Variants in ELAC1 observed in about 807,000 individuals in gnomAD.
ELAC1 encodes the protein zinc phosphodiesterase ELAC protein 1.
A neutral mutation model predicts 25.8 loss-of-function variants in ELAC1; 19 were observed. That is an observed-to-expected ratio of 0.74 (90% CI 0.51 to 1.08). The LOEUF (loss-of-function observed/expected upper bound fraction) is 1.08, where lower values mean the gene tolerates loss of function less well. Ranked by LOEUF, ELAC1 falls within the 50% of genes least tolerant of loss-of-function variation. The probability of loss-of-function intolerance (pLI) is 0.00; values close to 1 mark genes in which losing one functional copy is unlikely to be tolerated. For synonymous variants in ELAC1, 148 were observed against 160.9 expected (o/e 0.92, Z 0.61); for missense variants, 403 against 434.6 (o/e 0.93, Z 0.65).
chr18:50,984,157 G>T lies in ELAC1; in HGVS notation c.219G>T (p.Gly73=). 1 of 1,613,778 alleles carries T rather than the reference G, an allele frequency of 6.2e-7. No individual in the cohort carries two copies. The highest frequency in any genetic ancestry group is 8.5e-7 in the Non-Finnish European group (1 of 1,179,938). ...GAGACCATTTCTTTGGCCTTCCTGG[G>T]CTCCTCTGCACAATCAGCCTGCAGA... is the stretch of plus-strand genomic sequence containing the variant. ...LHGDHFFGLP[G]LLCTISLQSG... Residue 73 remains glycine, a synonymous_variant, in exon 3 of 4, where the codon GGG becomes GGT. Coordinates refer to ENST00000269466, the MANE Select transcript of ELAC1 (RefSeq NM_018696.3).
intron 2 of ELAC1, among the ~76,000 whole-genome samples, chr18:50,977,260 C>G (rs916101631): frequency 3.9e-5 from 6 of 152,360 alleles, no homozygotes; most frequent in Admixed American, 3.3e-4. Flanking sequence ...TATTTCCCTT[C>G]CACACTGCCC....
At chr18:50,976,129 T>C (rs1422085698) in intron 2 of ELAC1, among the ~76,000 whole-genome samples, 1 of 152,206 alleles carries the variant, frequency 6.6e-6, no homozygotes. Context: ...TTAGACTTTA[T>C]TGTTCTACTG....
rs551992289 is a variant in ELAC1, at chr18:50,984,311, C to T, written c.373C>T (p.Pro125Ser). 3.7e-6 allele frequency: 6 copies of T among 1,614,132 alleles called. No homozygotes were observed. In the South Asian group the frequency reaches 4.4e-5, roughly 12 times the overall value. Residue 125 changes from proline (P) to serine (S), a missense_variant, in exon 3 of 4, where the codon CCT (proline) becomes TCT (serine). Transcript: ENST00000269466. ...VFHYVVHELV[P>S]TADQCPAEEL... ...CCATTATGTGGTTCATGAACTGGTTCCTACAGCAGATCAATGTCCTGCAGA... is the reference window on the plus strand; with the variant it reads ...CCATTATGTGGTTCATGAACTGGTTTCTACAGCAGATCAATGTCCTGCAGA...
chr18:50,987,194 TCC>T lies in ELAC1; in HGVS notation c.*110_*111del. ...TCTGAAATTATTTGGGCCCTAATAA[TCC>T]TAAAAAGAATGGAGCTGCATTGATG... is the stretch of plus-strand genomic sequence containing the variant. On this transcript the variant is annotated 3_prime_UTR_variant, in exon 4 of 4. Transcript: ENST00000269466. The T allele has an allele frequency of 1.3e-6, 1 of 796,326 alleles. No homozygotes were observed. The highest frequency in any genetic ancestry group is 1.8e-6 in the Non-Finnish European group (1 of 548,182). 49.3% of individuals were successfully genotyped at this position (796,326 alleles called of 1,614,324 possible).
chr18:50,970,694 C>CAA (rs10643378), intron 1 of ELAC1, among the ~76,000 whole-genome samples: 1,344 of 88,152 alleles, frequency 0.015, 35 homozygotes, highest in African/African-American at 0.047. Flanking sequence ...GACACATTTC[C>CAA]AAAAAAAAAA....
In ELAC1 at chr18:50,987,134, A is replaced by G. The variant is rs747835307; in HGVS notation, c.*49A>G. 4.6e-6 allele frequency: 6 copies of G among 1,317,678 alleles called. No homozygotes were observed. The highest frequency in any genetic ancestry group is 6.2e-6 in the Non-Finnish European group (6 of 973,468). 81.6% of individuals were successfully genotyped at this position (1,317,678 alleles called of 1,614,324 possible). On this transcript the variant is annotated 3_prime_UTR_variant, in exon 4 of 4. Coordinates refer to ENST00000269466, the MANE Select transcript of ELAC1 (RefSeq NM_018696.3). ...TGACATGTCTGTGAATATGTTACTG[A>G]ACCTATAGTCCAGTTTTTTTATTTC...
At chr18:50,985,462 T>A (rs1354906180) in intron 3 of ELAC1, among the ~76,000 whole-genome samples, 1 of 152,230 alleles carries the variant, frequency 6.6e-6, no homozygotes, top group East Asian at 1.9e-4. Flanking sequence ...GCTTCACACC[T>A]CCTCTATGCT....
intron 3 of ELAC1, among the ~76,000 whole-genome samples, chr18:50,985,397 G>A (rs1338426777): frequency 6.6e-6 from 1 of 152,216 alleles, no homozygotes; most frequent in Admixed American, 6.5e-5. Context: ...TTAGATATCA[G>A]GGTTCATCGT....
chr18:50,986,602 T>C lies in ELAC1; in HGVS notation c.626-17T>C, dbSNP rs1216684038. 1.9e-6 allele frequency: 3 copies of C among 1,562,326 alleles called. No individual in the cohort carries two copies. Among genetic ancestry groups the C allele is most frequent in the Admixed American group, 1.8e-5 (1 of 56,938 alleles). On this transcript the variant is annotated splice_polypyrimidine_tract_variant and intron_variant, in intron 3 of 3. Transcript: ENST00000269466. ...ATTCCATTCCTATGATGTAATGTTA[T>C]CTGCCTTCATCATTAGGTGTTCCAC...
intron 1 of ELAC1, among the ~76,000 whole-genome samples, chr18:50,971,841 C>G (rs978549028): frequency 6.9e-6 from 1 of 144,124 alleles, no homozygotes; most frequent in African/African-American, 2.6e-5. Flanking sequence ...TTCTGTGATT[C>G]ATATATATAC....
At chr18:50,978,151 C>G (rs559719233) in intron 2 of ELAC1, among the ~76,000 whole-genome samples, 1 of 152,176 alleles carries the variant, frequency 6.6e-6, no homozygotes, top group Non-Finnish European at 1.5e-5. Flanking sequence ...TCTAAACCTT[C>G]CCATATTTTC....
intron 1 of ELAC1, among the ~76,000 whole-genome samples, chr18:50,973,587 A>G (rs1391449558): frequency 6.6e-6 from 1 of 152,242 alleles, no homozygotes; most frequent in Non-Finnish European, 1.5e-5. Context: ...TTGTTCAGAG[A>G]AAGGGAAAGG....
intron 3 of ELAC1, among the ~76,000 whole-genome samples, chr18:50,986,052 G>A (rs1263407394): frequency 9.4e-6 from 1 of 106,362 alleles, no homozygotes; most frequent in East Asian, 3.0e-4. Context: ...GTCTCACTCT[G>A]TTGTCCAGGC....
Position 50,984,563 on chromosome 18 carries a change from G to T in ELAC1, c.625G>T (p.Gly209Cys). The T allele has an allele frequency of 6.2e-7, 1 of 1,604,724 alleles. No individual in the cohort carries two copies. Among genetic ancestry groups the T allele is most frequent in the Non-Finnish European group, 8.5e-7 (1 of 1,175,904 alleles). ...CAATGCACAGAAACTTAAAGACCTTGGTAAGTGTTTTTTTGTTTTTTGTTT... is the reference window on the plus strand; with the variant it reads ...CAATGCACAGAAACTTAAAGACCTTTGTAAGTGTTTTTTTGTTTTTTGTTT... ...KLNAQKLKDL[G>C]VPPGPAYGKL... Residue 209 changes from glycine (G) to cysteine (C), a missense_variant and splice_region_variant, in exon 3 of 4, where the codon GGT (glycine) becomes TGT (cysteine). Coordinates refer to ENST00000269466, the MANE Select transcript of ELAC1 (RefSeq NM_018696.3).
chr18:50,983,253 C>T (rs1908008378), intron 2 of ELAC1, among the ~76,000 whole-genome samples: 2 of 148,736 alleles, frequency 1.3e-5, no homozygotes, highest in African/African-American at 2.5e-5. Flanking sequence ...CCTCCGCCTC[C>T]TGGGTTCAAG....
intron 1 of ELAC1, among the ~76,000 whole-genome samples, chr18:50,970,685 A>G (rs1907626180): frequency 6.7e-6 from 1 of 148,878 alleles, no homozygotes; most frequent in Admixed American, 6.7e-5. Flanking sequence ...TGGCCATATG[A>G]CACATTTCCA....
In ELAC1 at chr18:50,987,189, A is replaced by G. The variant is rs558373109; in HGVS notation, c.*104A>G. 3.8e-4 allele frequency: 310 copies of G among 823,954 alleles called. 5 individuals are homozygous for G. The South Asian group carries it at 8.9e-3, about 24-fold the overall frequency. 51.0% of individuals were successfully genotyped at this position (823,954 alleles called of 1,614,324 possible). A position where few individuals can be genotyped will look rare whatever the true frequency, so the allele number is the denominator to read the frequency against. On this transcript the variant is annotated 3_prime_UTR_variant, in exon 4 of 4. Coordinates refer to ENST00000269466, the MANE Select transcript of ELAC1 (RefSeq NM_018696.3). Reference sequence around the variant, plus strand: ...TTTAGTCTGAAATTATTTGGGCCCTAATAATCCTAAAAAGAATGGAGCTGC... The same window carrying G: ...TTTAGTCTGAAATTATTTGGGCCCTGATAATCCTAAAAAGAATGGAGCTGC...
intron 2 of ELAC1, among the ~76,000 whole-genome samples, chr18:50,983,603 C>A (rs1291668286): frequency 6.6e-6 from 1 of 150,594 alleles, no homozygotes; most frequent in East Asian, 2.0e-4. Context: ...AATCCCAGCA[C>A]TTTGGGAGGC....
intron 1 of ELAC1, chr18:50,969,306 A>T (rs987505495): frequency 6.6e-6 from 1 of 152,218 alleles, no homozygotes; most frequent in African/African-American, 2.4e-5. Context: ...CACGTTTTCT[A>T]CAACCAGGAT....
Sources: gnomAD v4.1 joint callset for allele counts (sites outside exome capture counted in the v4.1 genomes callset) on GRCh38, gnomAD v4.1.1 for gene constraint, MANE v1.5 for transcripts, NCBI Gene and HGNC (gene_info 2026-07-23, HGNC 2026-07-21) for gene names.